The following ARPC3 variants were observed in gnomAD, a reference collection of about 807,000 sequenced individuals.
ARPC3 encodes actin-related protein 2/3 complex subunit 3.
A neutral mutation model predicts 27.6 loss-of-function variants in ARPC3; 12 were observed. The ratio of observed to expected loss-of-function variants is 0.43; its 90% confidence interval spans 0.28 to 0.70. The LOEUF (loss-of-function observed/expected upper bound fraction) is 0.70, where lower values mean the gene tolerates loss of function less well. ARPC3 is among the 30% of genes least tolerant of loss of function. ARPC3 has a pLI of 0.17. For missense variants in ARPC3, 153 were observed against 207.7 expected (o/e 0.74, Z 1.62); for synonymous variants, 53 against 67.2 (o/e 0.79, Z 1.03).
chr12:110,444,505 G>A (rs1272763387), intron 2 of ARPC3, among the ~76,000 whole-genome samples: 2 of 152,008 alleles, frequency 1.3e-5, no homozygotes, highest in African/African-American at 4.8e-5. Flanking sequence ...GGCTGGTCTC[G>A]AACTCCTGAC....
At chr12:110,437,180 A>G in intron 3 of ARPC3, 28 bp from the exon 4 acceptor site, 2 of 1,429,140 alleles carry the variant, frequency 1.4e-6, no homozygotes, top group South Asian at 1.1e-5. Flanking sequence ...AGACTTAAAA[A>G]CAGTTATCAA....
At chr12:110,445,646 C>G (rs2062460551) in intron 1 of ARPC3, 95 bp from the exon 2 acceptor site, 1 of 929,544 alleles carries the variant, frequency 1.1e-6, no homozygotes, top group Non-Finnish European at 1.8e-6. Context: ...AAGAGTAAAC[C>G]ACCCAAGATT....
chr12:110,442,682 A>G (rs547222240), intron 2 of ARPC3: 14 of 152,030 alleles, frequency 9.2e-5, no homozygotes, highest in Non-Finnish European at 1.9e-4. Context: ...TTGAATTTAC[A>G]TATTATAGTT....
intron 2 of ARPC3, 115 bp from the exon 3 acceptor site, chr12:110,440,503 T>A: frequency 1.4e-6 from 1 of 718,348 alleles, no homozygotes; most frequent in Non-Finnish European, 2.5e-6. Context: ...TGGAGTTGAA[T>A]AAAATAAAAT....
At chr12:110,446,461 C>T (rs956019963) in intron 1 of ARPC3, among the ~76,000 whole-genome samples, 4 of 151,622 alleles carry the variant, frequency 2.6e-5, no homozygotes, top group Non-Finnish European at 4.4e-5. Context: ...CCACGCCCAG[C>T]TAATTTTGTA....
intron 3 of ARPC3, among the ~76,000 whole-genome samples, chr12:110,438,521 C>A (rs1280038139): frequency 6.7e-6 from 1 of 150,090 alleles, no homozygotes; most frequent in Non-Finnish European, 1.5e-5. Flanking sequence ...ACCACTTGAA[C>A]CCGGGAGTCG....
chr12:110,441,782 A>G (rs1402703806), intron 2 of ARPC3, among the ~76,000 whole-genome samples: 1 of 151,812 alleles, frequency 6.6e-6, no homozygotes, highest in Non-Finnish European at 1.5e-5. Context: ...TGTAATCCCA[A>G]CACTTTGGGA....
At chr12:110,436,727 C>T in intron 4 of ARPC3, 44 bp from the exon 5 acceptor site, 3 of 1,020,530 alleles carry the variant, frequency 2.9e-6, no homozygotes, top group Non-Finnish European at 2.9e-6. Flanking sequence ...CACACACACA[C>T]ACACACACAC....
rs759586508 is a variant in ARPC3, at chr12:110,438,211, G to A, written c.184-1059C>T. Among the ~76,000 whole-genome samples the A allele has an allele frequency of 3.3e-5, 5 of 149,730 alleles. No homozygotes were observed. In the East Asian group the frequency reaches 9.9e-4, roughly 30 times the overall value. ...CTAGGGAGGCTAAGGCCACAGAATC[G>A]CTTGAAGCCAGGAGGCAGAGGTTGT... is the stretch of plus-strand genomic sequence containing the variant. On this transcript the variant is annotated intron_variant, in intron 3 of 6. Coordinates refer to ENST00000228825, the MANE Select transcript of ARPC3 (RefSeq NM_001278556.2).
chr12:110,442,120 T>G (rs1013699604), intron 2 of ARPC3, among the ~76,000 whole-genome samples: 1 of 151,852 alleles, frequency 6.6e-6, no homozygotes, highest in African/African-American at 2.4e-5. Flanking sequence ...GTGATCCTCC[T>G]GCCTCCTGAG....
chr12:110,445,351 T>G, intron 2 of ARPC3, 101 bp downstream of exon 2: 1 of 929,846 alleles, frequency 1.1e-6, no homozygotes, highest in South Asian at 1.3e-5. Flanking sequence ...CAAGGGCAAT[T>G]TGAGAGAGAA....
chr12:110,450,194 C>T (rs1347327413), intron 1 of ARPC3, 61 bp downstream of exon 1: 3 of 1,610,420 alleles, frequency 1.9e-6, no homozygotes, highest in Non-Finnish European at 1.7e-6. Context: ...GGCACACACA[C>T]GGTTTCTCTC....
chr12:110,448,582 G>A (rs1051527835), intron 1 of ARPC3, among the ~76,000 whole-genome samples: 16 of 151,464 alleles, frequency 1.1e-4, no homozygotes, highest in African/African-American at 3.6e-4. Context: ...GGAGGCTGAG[G>A]TGGGAGGATC....
rs1446743916 is a variant in ARPC3 at position 110,436,806 on chromosome 12, CT to C, written c.253-124del. ...ATCCTTGGACCCCAGGTTAAGAACC[CT>C]TGAGTCAAGGGCTTAAAAGGAATTC... On this transcript the variant is annotated intron_variant, in intron 4 of 6. Coordinates refer to ENST00000228825, the MANE Select transcript of ARPC3 (RefSeq NM_001278556.2). The C allele has an allele frequency of 8.0e-6, 7 of 869,936 alleles. No individual in the cohort carries two copies. In the African/African-American group the frequency reaches 1.2e-4, roughly 15 times the overall value. 53.9% of individuals were successfully genotyped at this position (869,936 alleles called of 1,614,324 possible). A position where few individuals can be genotyped will look rare whatever the true frequency, so the allele number is the denominator to read the frequency against.
chr12:110,449,353 G>C (rs2062486032), intron 1 of ARPC3, among the ~76,000 whole-genome samples: 1 of 151,760 alleles, frequency 6.6e-6, no homozygotes, highest in Non-Finnish European at 1.5e-5. Context: ...CCTGAGGTCT[G>C]GAGTTCCAGA....
chr12:110,439,161 T>C (rs1187452482), intron 3 of ARPC3, among the ~76,000 whole-genome samples: 1 of 151,874 alleles, frequency 6.6e-6, no homozygotes, highest in Non-Finnish European at 1.5e-5. Flanking sequence ...AATTTTTGTA[T>C]TTTTGGTAGA....
chr12:110,446,088 G>A (rs2062462692), intron 1 of ARPC3, among the ~76,000 whole-genome samples: 1 of 147,860 alleles, frequency 6.8e-6, no homozygotes, highest in African/African-American at 2.5e-5. Context: ...GGGCAACAGA[G>A]CAAGACTGTC....
In ARPC3 at chr12:110,436,136, C is replaced by G; in HGVS notation, c.448G>C (p.Asp150His). The change falls in exon 6 of 7, where the codon GAC becomes CAC. Residue 150 changes from aspartate (D) to histidine (H), a missense_variant. By Grantham distance (81) the Asp-to-His change is moderately conservative (BLOSUM62 -1). Transcript: ENST00000228825. ...TTGCTGGGTTTATCATTCTGAGGGT[C>G]GAAAACTTTCTCACAAAGTCTCAGT... Reference protein sequence around the residue: ...TGLRLCEKVFDPQNDKPSKWW... With the variant: ...TGLRLCEKVFHPQNDKPSKWW... 4.3e-5 allele frequency: 70 copies of G among 1,613,494 alleles called. No homozygotes were observed. Among genetic ancestry groups the G allele is most frequent in the Non-Finnish European group, 5.8e-5 (68 of 1,179,670 alleles).
chr12:110,447,501 G>A (rs180870097), intron 1 of ARPC3, among the ~76,000 whole-genome samples: 104 of 152,306 alleles, frequency 6.8e-4, no homozygotes, highest in African/African-American at 2.4e-3. Context: ...TGGGATGGGC[G>A]GGGTGGCTCA....
Sources: gnomAD v4.1 joint callset for allele counts (sites outside exome capture counted in the v4.1 genomes callset) on GRCh38, gnomAD v4.1.1 for gene constraint, MANE v1.5 for transcripts, NCBI Gene and HGNC (gene_info 2026-07-23, HGNC 2026-07-21) for gene names.